Variants in NPAS3 observed in about 807,000 individuals in gnomAD.
The protein encoded by NPAS3 is neuronal PAS domain-containing protein 3.
Under a neutral mutation model 73.1 loss-of-function variants are expected in NPAS3, and 14 were observed. The ratio of observed to expected loss-of-function variants is 0.19; its 90% CI spans 0.13 to 0.30. The LOEUF (loss-of-function observed/expected upper bound fraction) is 0.30, where lower values mean the gene tolerates loss of function less well. Among genes scored for constraint, NPAS3 ranks in the 10% least tolerant of loss-of-function variants. The pLI, the probability that NPAS3 is intolerant of heterozygous loss-of-function variation, is 1.00. For missense variants in NPAS3, 1,096 were observed against 1,250.0 expected, an observed-to-expected ratio of 0.88 and a Z score of 1.86; for synonymous variants, 620 against 541.5, an observed-to-expected ratio of 1.14 and a Z score of -2.01.
intron 5 of NPAS3, among the ~76,000 whole-genome samples, chr14:33,585,390 A>G (rs1245439901): frequency 6.6e-6 from 1 of 152,174 alleles, no homozygotes; most frequent in Non-Finnish European, 1.5e-5. Context: ...AGCAGTCGAG[A>G]ATCTGGGTCC....
intron 5 of NPAS3, among the ~76,000 whole-genome samples, chr14:33,567,276 A>C (rs1320434895): frequency 2.6e-5 from 4 of 152,212 alleles, no homozygotes; most frequent in Non-Finnish European, 5.9e-5. Flanking sequence ...ATTAATTCTG[A>C]GTGAACAAGA....
At chr14:33,482,284 C>T (rs1481653884) in intron 4 of NPAS3, among the ~76,000 whole-genome samples, 5 of 151,988 alleles carry the variant, frequency 3.3e-5, no homozygotes, top group African/African-American at 7.3e-5. Flanking sequence ...ACATTCGAAC[C>T]TTTAGATAAG....
chr14:33,161,873 C>A (rs186286181), intron 2 of NPAS3, among the ~76,000 whole-genome samples: 3 of 152,050 alleles, frequency 2.0e-5, no homozygotes, highest in Non-Finnish European at 4.4e-5. Flanking sequence ...ATACATAAGA[C>A]GTGGGAAATA....
chr14:33,446,479 C>T (rs2049512153), intron 4 of NPAS3, among the ~76,000 whole-genome samples: 1 of 152,214 alleles, frequency 6.6e-6, no homozygotes. Flanking sequence ...CCGGCCACTT[C>T]ATGCTTTCTA....
At chr14:33,132,114 A>G (rs1386125568) in intron 2 of NPAS3, among the ~76,000 whole-genome samples, 1 of 152,134 alleles carries the variant, frequency 6.6e-6, no homozygotes, top group African/African-American at 2.4e-5. Context: ...CTGGTGGGAA[A>G]GGGAGTCTGG....
At chr14:33,334,591 G>T (rs1274352413) in intron 3 of NPAS3, among the ~76,000 whole-genome samples, 1 of 152,074 alleles carries the variant, frequency 6.6e-6, no homozygotes, top group African/African-American at 2.4e-5. Context: ...ATTTAACCAG[G>T]TTCCCCAGGG....
chr14:33,654,257 G>A (rs1274592129), intron 5 of NPAS3, among the ~76,000 whole-genome samples: 1 of 151,736 alleles, frequency 6.6e-6, no homozygotes, highest in African/African-American at 2.4e-5. Context: ...TTACATAAGT[G>A]TTGAAATCTA....
At chr14:33,177,067 T>C (rs2045612935) in intron 2 of NPAS3, among the ~76,000 whole-genome samples, 2 of 112,936 alleles carry the variant, frequency 1.8e-5, no homozygotes, top group Admixed American at 1.1e-4. Flanking sequence ...AGGCTGTTTA[T>C]CTTTTTATTA....
At chr14:32,996,644 C>G (rs968074311) in intron 1 of NPAS3, among the ~76,000 whole-genome samples, 16 of 152,182 alleles carry the variant, frequency 1.1e-4, no homozygotes, top group African/African-American at 2.9e-4. Flanking sequence ...AGCCTCAAGC[C>G]TTGGCAGCTT....
chr14:33,329,802 T>C (rs1166062182), intron 3 of NPAS3, among the ~76,000 whole-genome samples: 1 of 151,874 alleles, frequency 6.6e-6, no homozygotes, highest in Non-Finnish European at 1.5e-5. Context: ...TTTTGAGGAT[T>C]AAAAGTGGAG....
chr14:32,964,447 C>T (rs148321829), intron 1 of NPAS3, among the ~76,000 whole-genome samples: 389 of 152,156 alleles, frequency 2.6e-3, no homozygotes, highest in Admixed American at 4.8e-3. Flanking sequence ...GCAAACTGTG[C>T]GGAACTCTCA....
rs139287466 is a variant in NPAS3 at position 33,634,606 on chromosome 14, G to A, written c.559-41605G>A. On this transcript the variant is annotated intron_variant, in intron 5 of 11. Transcript: ENST00000356141. ...TATAAATCAGAGAATTATGAAGGCA[G>A]CAATTCCTAGGAGTTTGCGATGTGA... is the stretch of plus-strand genomic sequence containing the variant. Among the ~76,000 whole-genome samples, 199 of 152,240 alleles carry A rather than the reference G, an allele frequency of 1.3e-3. 1 individual carries two copies. Among genetic ancestry groups the A allele is most frequent in the Middle Eastern group, 0.01 (3 of 294 alleles).
intron 4 of NPAS3, among the ~76,000 whole-genome samples, chr14:33,416,685 T>C (rs8018275): frequency 0.31 from 47,639 of 151,882 alleles, 8,288 homozygotes; most frequent in African/African-American, 0.46. Flanking sequence ...ATGACAGTAA[T>C]TCTGAGATAG....
chr14:33,754,751 C>T (rs1428005239), intron 7 of NPAS3, among the ~76,000 whole-genome samples: 1 of 152,154 alleles, frequency 6.6e-6, no homozygotes, highest in East Asian at 1.9e-4. Flanking sequence ...TCTCCCTTTC[C>T]CTCTTAAAAA....
At chr14:33,107,664 G>T (rs1395049825) in intron 2 of NPAS3, among the ~76,000 whole-genome samples, 1 of 152,102 alleles carries the variant, frequency 6.6e-6, no homozygotes, top group East Asian at 1.9e-4. Context: ...CCATTGATGG[G>T]CACCAGGGTT....
intron 6 of NPAS3, among the ~76,000 whole-genome samples, chr14:33,713,953 T>C (rs1048585165): frequency 3.3e-5 from 5 of 152,156 alleles, no homozygotes; most frequent in Non-Finnish European, 4.4e-5. Context: ...TGGACTCTTG[T>C]ACAGGCTGTT....
intron 6 of NPAS3, among the ~76,000 whole-genome samples, chr14:33,712,435 G>A (rs1179143802): frequency 1.3e-5 from 2 of 152,222 alleles, no homozygotes; most frequent in Non-Finnish European, 1.5e-5. Context: ...GGTTCATGAA[G>A]AGAAGCCAAC....
Position 33,636,478 on chromosome 14 carries a change from C to T in NPAS3, c.559-39733C>T, listed in dbSNP as rs114776856. Among the ~76,000 whole-genome samples, 1,128 of 152,238 alleles carry T rather than the reference C, an allele frequency of 7.4e-3. 13 individuals are homozygous for T. The highest frequency in any genetic ancestry group is 0.026 in the African/African-American group (1,069 of 41,536). ...GGCTTTTCTACCTGAGCTGATATTC[C>T]TGCTCCTGAAGTTACACTCCAAGGG... is the stretch of plus-strand genomic sequence containing the variant. On this transcript the variant is annotated intron_variant, in intron 5 of 11. Transcript: ENST00000356141.
At chr14:33,069,610 C>T (rs1456069284) in intron 2 of NPAS3, among the ~76,000 whole-genome samples, 1 of 152,058 alleles carries the variant, frequency 6.6e-6, no homozygotes. Flanking sequence ...TTCTCATTTG[C>T]GAAATGCTGA....
Sources: gnomAD v4.1 joint callset for allele counts (sites outside exome capture counted in the v4.1 genomes callset) on GRCh38, gnomAD v4.1.1 for gene constraint, MANE v1.5 for transcripts, NCBI Gene and HGNC (gene_info 2026-07-23, HGNC 2026-07-21) for gene names.